RANBP2: variants seen among roughly 807,000 people sequenced by gnomAD.
RANBP2 encodes RAN binding protein 2, also known as E3 SUMO-protein ligase RanBP2.
Under a neutral mutation model 303.6 loss-of-function variants are expected in RANBP2, and 57 were observed. The ratio of observed to expected loss-of-function variants is 0.19; its 90% CI spans 0.15 to 0.23. The LOEUF is 0.23. Ranked by LOEUF, RANBP2 falls within the 10% of genes least tolerant of loss-of-function variation. RANBP2 has a pLI of 1.00. For missense variants in RANBP2, 3,138 were observed against 3,780.8 expected (o/e 0.83, Z 4.46); for synonymous variants, 1,167 against 1,301.5 (o/e 0.90, Z 2.23).
At chr2:108,732,437 G>T (rs1695240633) in intron 4 of RANBP2, among the ~76,000 whole-genome samples, 1 of 152,138 alleles carries the variant, frequency 6.6e-6, no homozygotes, top group African/African-American at 2.4e-5. Context: ...TGCTCTACCT[G>T]CTAAGTATCC....
the RANBP2 span, among the ~76,000 whole-genome samples, chr2:109,725,043 C>T: frequency 3.3e-5 from 5 of 152,318 alleles, no homozygotes; most frequent in African/African-American, 1.2e-4. Flanking sequence ...CTTACTCACT[C>T]ATGGGCTCCC....
chr2:109,186,237 G>A, the RANBP2 span, among the ~76,000 whole-genome samples: 2 of 152,234 alleles, frequency 1.3e-5, no homozygotes, highest in African/African-American at 4.8e-5. Flanking sequence ...AGTGCTTCCC[G>A]TGTACGAGAT....
chr2:108,755,629 A>G (rs780642576), intron 17 of RANBP2, among the ~76,000 whole-genome samples: 2 of 151,566 alleles, frequency 1.3e-5, no homozygotes, highest in Non-Finnish European at 2.9e-5. Context: ...CCTGGCTCAA[A>G]GAATCCTCCT....
the RANBP2 span, chr2:108,839,273 C>T: frequency 6.2e-7 from 1 of 1,612,096 alleles, no homozygotes; most frequent in Non-Finnish European, 8.5e-7. Context: ...ATATATTGGT[C>T]CCTAAGGCAG....
At chr2:108,935,591 C>A in the RANBP2 span, among the ~76,000 whole-genome samples, 1 of 152,182 alleles carries the variant, frequency 6.6e-6, no homozygotes, top group Non-Finnish European at 1.5e-5. Context: ...GGGTCTCTCC[C>A]TCTTTAAGTT....
At chr2:109,235,480 C>A in the RANBP2 span, among the ~76,000 whole-genome samples, 25 of 152,302 alleles carry the variant, frequency 1.6e-4, no homozygotes, top group Non-Finnish European at 3.5e-4. Flanking sequence ...AACCCTCATG[C>A]CAGGACAACA....
chr2:109,574,916 T>A, the RANBP2 span: 23 of 478,580 alleles, frequency 4.8e-5, no homozygotes, highest in South Asian at 1.5e-3. Context: ...GATAAAAAAA[T>A]GTGCAGAACA....
chr2:109,547,366 CTTG>C, the RANBP2 span, among the ~76,000 whole-genome samples: 3 of 120,322 alleles, frequency 2.5e-5, no homozygotes, highest in African/African-American at 9.0e-5. Context: ...TGCTAATAAA[CTTG>C]TTTTTTTTTT....
the RANBP2 span, among the ~76,000 whole-genome samples, chr2:108,996,172 A>G: frequency 6.6e-6 from 1 of 152,214 alleles, no homozygotes; most frequent in Non-Finnish European, 1.5e-5. Context: ...GTGAAGAGTG[A>G]GAGTTCCCTG....
the RANBP2 span, among the ~76,000 whole-genome samples, chr2:109,090,331 C>T: frequency 3.5e-5 from 5 of 142,990 alleles, no homozygotes; most frequent in Admixed American, 3.5e-4. Flanking sequence ...CACACACACA[C>T]ACACACACAC....
chr2:109,356,870 C>G, the RANBP2 span, among the ~76,000 whole-genome samples: 1 of 152,120 alleles, frequency 6.6e-6, no homozygotes, highest in Admixed American at 6.5e-5. Context: ...TCACGGCCCC[C>G]ACAGCGCTCT....
chr2:108,790,913 A>G, the RANBP2 span, among the ~76,000 whole-genome samples: 55,619 of 151,520 alleles, frequency 0.37, 13,718 homozygotes, highest in African/African-American at 0.71. Flanking sequence ...CACTACTCCC[A>G]GCTAATTTAT....
At chr2:109,304,457 G>A in the RANBP2 span, among the ~76,000 whole-genome samples, 25 of 152,218 alleles carry the variant, frequency 1.6e-4, no homozygotes, top group Admixed American at 1.0e-3. Flanking sequence ...CACGTTGTCT[G>A]CTAGGGGTTC....
rs762754314 is a variant in RANBP2, at chr2:108,763,948, C to T, written c.3409C>T (p.Pro1137Ser). 2 of 1,613,826 alleles carry T rather than the reference C, an allele frequency of 1.2e-6. No homozygotes were observed. Among genetic ancestry groups the T allele is most frequent in the South Asian group, 2.2e-5 (2 of 91,070 alleles). ...RSDDMFTFHG[P>S]GKSVFGTPTL... ...TGATGATATGTTTACTTTCCATGGTCCAGGGAAATCAGTATTTGGAACACC... is the reference window on the plus strand; with the variant it reads ...TGATGATATGTTTACTTTCCATGGTTCAGGGAAATCAGTATTTGGAACACC... The change falls in exon 20 of 29, where the codon CCA becomes TCA. Residue 1137 changes from proline (P) to serine (S), a missense_variant. By Grantham distance (74) the Pro-to-Ser change is moderately conservative. Coordinates refer to ENST00000283195, the MANE Select transcript of RANBP2 (RefSeq NM_006267.5).
chr2:109,263,278 T>A, the RANBP2 span, among the ~76,000 whole-genome samples: 32 of 152,384 alleles, frequency 2.1e-4, no homozygotes, highest in African/African-American at 7.5e-4. Context: ...TGTGGTCACT[T>A]GATTTTAGCC....
At chr2:109,194,326 G>A in the RANBP2 span, among the ~76,000 whole-genome samples, 3 of 152,232 alleles carry the variant, frequency 2.0e-5, no homozygotes, top group Non-Finnish European at 4.4e-5. Flanking sequence ...CTTGGGCTGC[G>A]GTGTCCCCAG....
chr2:108,899,635 G>A, the RANBP2 span, among the ~76,000 whole-genome samples: 1 of 152,160 alleles, frequency 6.6e-6, no homozygotes, highest in African/African-American at 2.4e-5. Context: ...AACAGAGAAG[G>A]TAAAGGGACA....
the RANBP2 span, among the ~76,000 whole-genome samples, chr2:109,430,157 G>A: frequency 6.6e-6 from 1 of 152,204 alleles, no homozygotes; most frequent in Non-Finnish European, 1.5e-5. Flanking sequence ...CCAACTAAAA[G>A]GAGCTGTTGG....
the RANBP2 span, among the ~76,000 whole-genome samples, chr2:109,001,121 T>G: frequency 6.6e-6 from 1 of 152,142 alleles, no homozygotes; most frequent in Non-Finnish European, 1.5e-5. Flanking sequence ...GCTACATGAG[T>G]GGCTCGTATA....
Sources: allele counts gnomAD v4.1 joint callset (sites outside exome capture counted in the v4.1 genomes callset), GRCh38; gene constraint gnomAD v4.1.1; transcripts MANE v1.5; gene names NCBI Gene and HGNC (gene_info 2026-07-23, HGNC 2026-07-21).